Variants in TOM1L2 observed in about 807,000 individuals in gnomAD.
The protein encoded by TOM1L2 is target of myb1 like 2 membrane trafficking protein, also known as TOM1-like protein 2.
A neutral mutation model predicts 67.9 loss-of-function variants in TOM1L2; 31 were observed. The observed-to-expected ratio is 0.46, with a 90% CI of 0.34 to 0.62. The LOEUF is 0.62. Ranked by LOEUF, TOM1L2 falls within the 20% of genes least tolerant of loss-of-function variation. The probability of loss-of-function intolerance (pLI) is 0.01; values close to 1 mark genes in which losing one functional copy is unlikely to be tolerated. For synonymous variants in TOM1L2, 256 were observed against 254.0 expected (o/e 1.01, Z -0.07); for missense variants, 606 against 663.5 (o/e 0.91, Z 0.95).
intron 7 of TOM1L2, among the ~76,000 whole-genome samples, chr17:17,876,085 T>C (rs1007807994): frequency 2.0e-5 from 3 of 152,236 alleles, no homozygotes; most frequent in East Asian, 1.9e-4. Flanking sequence ...AAGTTATTCA[T>C]TGAAGACAAA....
At chr17:17,886,175 C>G (rs2037988911) in intron 4 of TOM1L2, among the ~76,000 whole-genome samples, 1 of 141,172 alleles carries the variant, frequency 7.1e-6, no homozygotes, top group Admixed American at 6.8e-5. Flanking sequence ...CACAGAAACT[C>G]TGTCTCTAAC....
chr17:17,913,178 A>C (rs2039472540), intron 1 of TOM1L2, among the ~76,000 whole-genome samples: 1 of 100,696 alleles, frequency 9.9e-6, no homozygotes, highest in South Asian at 7.0e-4. Flanking sequence ...GAGACCGTGG[A>C]AACAGAGGGA....
Position 17,844,527 on chromosome 17 carries a change from C to T in TOM1L2, c.*3108G>A, listed in dbSNP as rs2035545702. The T allele has an allele frequency of 6.6e-6, 1 of 152,352 alleles. No individual in the cohort carries two copies. Among genetic ancestry groups the T allele is most frequent in the South Asian group, 2.1e-4 (1 of 4,834 alleles). 9.4% of individuals were successfully genotyped at this position (152,352 alleles called of 1,614,324 possible). ...GAGGACAGACGGATGGTCACCTTTC[C>T]CTCTAGCCCAGGCCAGCAACAACCC... On this transcript the variant is annotated 3_prime_UTR_variant, in exon 15 of 15. Coordinates refer to ENST00000379504, the MANE Select transcript of TOM1L2 (RefSeq NM_001082968.2).
intron 1 of TOM1L2, among the ~76,000 whole-genome samples, chr17:17,939,784 AAAGTAT>A (rs2040655329): frequency 6.6e-6 from 1 of 152,244 alleles, no homozygotes. Context: ...AAATGTAATG[AAAGTAT>A]AAGTAAGGGA....
At chr17:17,926,917 G>A (rs1038297489) in intron 1 of TOM1L2, among the ~76,000 whole-genome samples, 9 of 152,080 alleles carry the variant, frequency 5.9e-5, no homozygotes, top group African/African-American at 2.2e-4. Flanking sequence ...ATGAAGAAGA[G>A]CCCCAACACA....
Position 17,869,485 on chromosome 17 carries a change from A to G in TOM1L2, c.778-12T>C. On this transcript the variant is annotated splice_polypyrimidine_tract_variant and intron_variant, in intron 7 of 14. Coordinates refer to ENST00000379504, the MANE Select transcript of TOM1L2 (RefSeq NM_001082968.2). ...GTCCTGTTGAGCTCCTAGGGAACACATGCACCTCTGGGTAGCCTGCTGGGT... is the reference window on the plus strand; with the variant it reads ...GTCCTGTTGAGCTCCTAGGGAACACGTGCACCTCTGGGTAGCCTGCTGGGT... The G allele has an allele frequency of 6.3e-7, 1 of 1,596,986 alleles. No homozygotes were observed. The highest frequency in any genetic ancestry group is 8.5e-7 in the Non-Finnish European group (1 of 1,170,790).
chr17:17,896,917 G>A (rs1483223961), intron 3 of TOM1L2, among the ~76,000 whole-genome samples: 2 of 152,194 alleles, frequency 1.3e-5, no homozygotes, highest in Non-Finnish European at 2.9e-5. Context: ...ATCAGCAGAC[G>A]TGAGACCATG....
intron 1 of TOM1L2, among the ~76,000 whole-genome samples, chr17:17,915,462 T>C (rs1248249494): frequency 1.3e-5 from 2 of 152,224 alleles, no homozygotes; most frequent in African/African-American, 4.8e-5. Context: ...TTTTTGGCCA[T>C]TTGTATATCT....
At chr17:17,903,355 G>A (rs948758186) in intron 2 of TOM1L2, among the ~76,000 whole-genome samples, 1 of 152,204 alleles carries the variant, frequency 6.6e-6, no homozygotes, top group African/African-American at 2.4e-5. Flanking sequence ...TGGGCGCGGT[G>A]GCTCACGCCT....
At chr17:17,899,704 C>A (rs988798117) in intron 2 of TOM1L2, among the ~76,000 whole-genome samples, 3 of 152,236 alleles carry the variant, frequency 2.0e-5, no homozygotes, top group Non-Finnish European at 4.4e-5. Flanking sequence ...CGGCTGTGGG[C>A]CAGCGCTTTG....
chr17:17,882,851 C>T lies in TOM1L2; in HGVS notation c.514G>A (p.Val172Met), dbSNP rs762640105. 46 of 1,614,028 alleles carry T rather than the reference C, an allele frequency of 2.9e-5. No homozygotes were observed. The highest frequency in any genetic ancestry group is 3.9e-5 in the Non-Finnish European group (46 of 1,180,022). ...CTGGGCATGGTCGCAGCTGGATCCA[C>T]TTCAGGGACACTCTGGCATGGCAAC... ...IHTPQRSVPE[V>M]DPAATMPRSQ... is the part of the protein sequence containing the mutation. Residue 172 changes from valine to methionine, a missense_variant, in exon 6 of 15, where the codon GTG becomes ATG. Val to Met is a conservative substitution (Grantham distance 21). This residue lies in a region of TOM1L2 where 543 missense variants were observed against 554.0 expected (regional missense o/e 0.98). Transcript: ENST00000379504.
At chr17:17,951,395 A>C in intron 1 of TOM1L2, among the ~76,000 whole-genome samples, 1 of 152,168 alleles carries the variant, frequency 6.6e-6, no homozygotes, top group Non-Finnish European at 1.5e-5. Context: ...GTTAGAGATG[A>C]AAAGGAGGAA....
At chr17:17,969,039 A>T (rs2041969761) in intron 1 of TOM1L2, among the ~76,000 whole-genome samples, 1 of 150,562 alleles carries the variant, frequency 6.6e-6, no homozygotes. Context: ...GACAGGGATC[A>T]GAGAGGGACC....
At chr17:17,910,927 C>T (rs1416039500) in intron 1 of TOM1L2, among the ~76,000 whole-genome samples, 3 of 152,184 alleles carry the variant, frequency 2.0e-5, no homozygotes, top group African/African-American at 7.2e-5. Context: ...TCCATTCTCA[C>T]CAAAAGGATG....
chr17:17,909,657 T>C (rs2039257538), intron 1 of TOM1L2, among the ~76,000 whole-genome samples: 1 of 152,042 alleles, frequency 6.6e-6, no homozygotes, highest in Admixed American at 6.6e-5. Flanking sequence ...TTGGGGAAAA[T>C]GAAAGAGTTC....
intron 5 of TOM1L2, 117 bp downstream of exon 5, chr17:17,884,517 A>T: frequency 6.9e-7 from 1 of 1,449,164 alleles, no homozygotes; most frequent in Non-Finnish European, 9.5e-7. Flanking sequence ...CCCGAGCTTT[A>T]AGAAAGCATG....
At chr17:17,951,256 G>T (rs2041196437) in intron 1 of TOM1L2, among the ~76,000 whole-genome samples, 1 of 152,172 alleles carries the variant, frequency 6.6e-6, no homozygotes, top group Admixed American at 6.5e-5. Flanking sequence ...CCTAACTCTG[G>T]CAGGGACCAG....
chr17:17,901,346 AGT>A (rs1424029669), intron 2 of TOM1L2, among the ~76,000 whole-genome samples: 1 of 152,232 alleles, frequency 6.6e-6, no homozygotes, highest in Non-Finnish European at 1.5e-5. Context: ...AGGAAGAATC[AGT>A]GGCCTGTGTT....
intron 1 of TOM1L2, 58 bp from the exon 2 acceptor site, chr17:17,907,589 A>C: frequency 2.0e-6 from 3 of 1,514,574 alleles, no homozygotes; most frequent in Non-Finnish European, 2.7e-6. Flanking sequence ...GGGCCTTGGC[A>C]GGAAATGGGA....
Sources: allele counts gnomAD v4.1 joint callset (sites outside exome capture counted in the v4.1 genomes callset), GRCh38; gene constraint gnomAD v4.1.1; regional missense constraint gnomAD v4.1.1; transcripts MANE v1.5; gene names NCBI Gene and HGNC (gene_info 2026-07-23, HGNC 2026-07-21).